VNN2: variants seen among roughly 807,000 people sequenced by gnomAD.
The protein encoded by VNN2 is pantetheine hydrolase VNN2.
In VNN2, 43 loss-of-function variants were observed where a neutral mutation model predicts 43.0. The ratio of observed to expected loss-of-function variants is 1.00; its 90% CI spans 0.78 to 1.29. The LOEUF (loss-of-function observed/expected upper bound fraction) is 1.29, where lower values mean the gene tolerates loss of function less well. VNN2 is among the 50% of genes most tolerant of loss of function. The pLI is 0.00. For missense variants in VNN2, 652 were observed against 619.7 expected, an observed-to-expected ratio of 1.05 and a Z score of -0.55; for synonymous variants, 230 against 224.3, an observed-to-expected ratio of 1.03 and a Z score of -0.23.
chr6:132,755,908 A>G lies in VNN2; in HGVS notation c.472T>C (p.Tyr158His). Residue 158 changes from tyrosine to histidine, a missense_variant, in exon 3 of 7, where the codon TAC becomes CAC. Physicochemically the swap from Tyr to His is moderately conservative, Grantham distance 83. Coordinates refer to ENST00000326499, the MANE Select transcript of VNN2 (RefSeq NM_004665.6). ...ACCACATTGGTATTGTATTGAAAGT[A>G]GCCATTAGGAGGACATGTGGAGTCA... ...SRDSTCPPNG[Y>H]FQYNTNVVYN... The G allele has an allele frequency of 6.2e-7, 1 of 1,614,220 alleles. No individual in the cohort carries two copies. The highest frequency in any genetic ancestry group is 8.5e-7 in the Non-Finnish European group (1 of 1,180,034).
chr6:132,758,039 C>CTTCTTCTT (rs1488070973), upstream of VNN2: 10 of 165,020 alleles, frequency 6.1e-5, no homozygotes, highest in South Asian at 2.8e-4. Flanking sequence ...TCTTCTTCTT[C>CTTCTTCTT]TTTTTTTTTT....
At position 132,752,550 on chromosome 6, in the gene VNN2, G is replaced by A; in HGVS notation, c.737C>T (p.Thr246Ile). 1 of 1,614,154 alleles carries A rather than the reference G, an allele frequency of 6.2e-7. No homozygotes were observed. Among genetic ancestry groups the A allele is most frequent in the East Asian group, 2.2e-5 (1 of 44,876 alleles). Residue 246 changes from threonine to isoleucine, a missense_variant, in exon 4 of 7, where the codon ACA (threonine) becomes ATA (isoleucine). Coordinates refer to ENST00000326499, the MANE Select transcript of VNN2 (RefSeq NM_004665.6). ...CCAAGCTGAATGGAATTCAATAGCTGTCAAAAGGGGCAAAACGTTCATCCA... is the reference window on the plus strand; with the variant it reads ...CCAAGCTGAATGGAATTCAATAGCTATCAAAAGGGGCAAAACGTTCATCCA... ...TAWMNVLPLL[T>I]AIEFHSAWAM... is the part of the protein sequence containing the mutation.
At chr6:132,744,882 A>G (rs1382033165) in intron 6 of VNN2, among the ~76,000 whole-genome samples, 1 of 152,198 alleles carries the variant, frequency 6.6e-6, no homozygotes, top group Non-Finnish European at 1.5e-5. Flanking sequence ...TTATCAGTGT[A>G]TCAGAGAAGA....
intron 6 of VNN2, among the ~76,000 whole-genome samples, chr6:132,745,989 C>G (rs1251118121): frequency 1.3e-5 from 2 of 152,128 alleles, no homozygotes; most frequent in Non-Finnish European, 2.9e-5. Context: ...GACTAAATAT[C>G]CTAGAAGATA....
At chr6:132,749,642 CT>C in intron 6 of VNN2, 52 bp downstream of exon 6, 1 of 1,516,092 alleles carries the variant, frequency 6.6e-7, no homozygotes, top group African/African-American at 1.4e-5. Context: ...GCTTGTTTTA[CT>C]TGACTTCAGA....
At chr6:132,746,685 T>A (rs1779737929) in intron 6 of VNN2, among the ~76,000 whole-genome samples, 1 of 152,190 alleles carries the variant, frequency 6.6e-6, no homozygotes, top group Non-Finnish European at 1.5e-5. Context: ...CCAACTCCTT[T>A]TGTTTTAATT....
chr6:132,759,261 A>AC (rs568107311), upstream of VNN2, among the ~76,000 whole-genome samples: 219 of 151,642 alleles, frequency 1.4e-3, no homozygotes, highest in African/African-American at 3.9e-3. Context: ...ACATAGTGGA[A>AC]CCCCCCATCT....
At chr6:132,745,743 C>T (rs181598012) in intron 6 of VNN2, among the ~76,000 whole-genome samples, 158 of 152,188 alleles carry the variant, frequency 1.0e-3, no homozygotes, top group Middle Eastern at 6.8e-3. Context: ...CTAGATCTAG[C>T]CTGAAGCCAC....
rs1411563561 is a variant in VNN2 at position 132,751,475 on chromosome 6, AT to A, written c.869del (p.Tyr290LeufsTer3). 6.2e-7 allele frequency: 1 copy of A among 1,614,072 alleles called. No individual in the cohort carries two copies. The highest frequency in any genetic ancestry group is 1.7e-5 in the Admixed American group (1 of 60,004). On this transcript the variant is annotated frameshift_variant, in exon 5 of 7. Transcript: ENST00000326499. LOFTEE classifies it high-confidence loss of function. ...YAPNGPKVYH[Y>X]DMKTELGKLL... The stretch of plus-strand genomic sequence containing the variant: ...GTTTTCCCAACTCTGTCTTCATGTC[AT>A]AATGATACACTTTGGGACCATTTGG...
intron 6 of VNN2, among the ~76,000 whole-genome samples, chr6:132,747,396 C>A (rs1280491122): frequency 1.3e-5 from 2 of 152,086 alleles, no homozygotes; most frequent in African/African-American, 4.8e-5. Context: ...GGTGGCAGAT[C>A]ACTAGATGTT....
intron 4 of VNN2, 74 bp downstream of exon 4, chr6:132,752,387 A>G (rs556057461): frequency 7.1e-5 from 106 of 1,487,480 alleles, no homozygotes; most frequent in South Asian, 1.7e-4. Context: ...AAAAATTAAT[A>G]CAAGTCATAA....
At chr6:132,751,066 G>A (rs1780048044) in intron 5 of VNN2, 79 bp downstream of exon 5, 3 of 1,512,422 alleles carry the variant, frequency 2.0e-6, no homozygotes, top group African/African-American at 1.4e-5. Flanking sequence ...AAAAGCACCT[G>A]GTTTTCTGGA....
At chr6:132,750,995 CGTGTGTGTGTGTGTGTTGT>C in intron 5 of VNN2, 131 bp downstream of exon 5, 1 of 852,780 alleles carries the variant, frequency 1.2e-6, no homozygotes, top group Non-Finnish European at 1.8e-6. Context: ...CATAAATGCA[CGTGTGTGTGTGTGTGTTGT>C]GTGTGTGTGT....
intron 5 of VNN2, 149 bp from the exon 6 acceptor site, chr6:132,750,014 T>C (rs1779964356): frequency 2.8e-6 from 2 of 716,736 alleles, no homozygotes; most frequent in East Asian, 6.2e-5. Flanking sequence ...TTAACTGCTT[T>C]ATTAAAAATG....
chr6:132,759,989 A>C (rs533156479), upstream of VNN2, among the ~76,000 whole-genome samples: 1 of 152,256 alleles, frequency 6.6e-6, no homozygotes, highest in Non-Finnish European at 1.5e-5. Flanking sequence ...ATGTAACCCA[A>C]ATGCCCACTT....
Position 132,744,121 on chromosome 6 carries a change from A to T in VNN2, c.*179T>A, listed in dbSNP as rs1779577584. 9.7e-6 allele frequency: 5 copies of T among 515,686 alleles called. No individual in the cohort carries two copies. The highest frequency in any genetic ancestry group is 1.6e-5 in the Non-Finnish European group (5 of 317,054). The allele number at this position is 515,686 out of a possible 1,614,324, so 31.9% of individuals were successfully genotyped here. A position where few individuals can be genotyped will look rare whatever the true frequency, so the allele number is the denominator to read the frequency against. ...CACACTGCAACATTTCAGAGTAGCCAAAAAAATGGACAACATTATCATAAT... is the reference window on the plus strand; with the variant it reads ...CACACTGCAACATTTCAGAGTAGCCTAAAAAATGGACAACATTATCATAAT... On this transcript the variant is annotated 3_prime_UTR_variant, in exon 7 of 7. Transcript: ENST00000326499.
At chr6:132,746,852 T>A (rs1779747112) in intron 6 of VNN2, among the ~76,000 whole-genome samples, 1 of 152,132 alleles carries the variant, frequency 6.6e-6, no homozygotes, top group Non-Finnish European at 1.5e-5. Flanking sequence ...GCAAATTTGA[T>A]TAGTATCTGT....
At chr6:132,757,367 G>C in intron 2 of VNN2, 49 bp downstream of exon 2, 1 of 1,539,880 alleles carries the variant, frequency 6.5e-7, no homozygotes, top group Non-Finnish European at 8.7e-7. Context: ...GTGAACGTGC[G>C]CATTTTAGAG....
Position 132,751,183 on chromosome 6 carries a change from T to G in VNN2, c.1162A>C (p.Thr388Pro), listed in dbSNP as rs1472274516. ...ENEVYVLGAFTGLHGRRRREY... is the reference protein window; with the variant it reads ...ENEVYVLGAFPGLHGRRRREY... ...CTTCTCCTTCGGCCATGTAATCCTG[T>G]AAAAGCTCCTAGAACGTATACTTCA... The change falls in exon 5 of 7, where the codon ACA (threonine) becomes CCA (proline). Residue 388 changes from threonine (T) to proline (P), a missense_variant. By Grantham distance (38) the Thr-to-Pro change is conservative (BLOSUM62 -1). Transcript: ENST00000326499. The G allele has an allele frequency of 6.2e-7, 1 of 1,612,050 alleles. No individual in the cohort carries two copies. The highest frequency in any genetic ancestry group is 8.5e-7 in the Non-Finnish European group (1 of 1,179,334).
Sources: allele counts gnomAD v4.1 joint callset (sites outside exome capture counted in the v4.1 genomes callset), GRCh38; gene constraint gnomAD v4.1.1; transcripts MANE v1.5; gene names NCBI Gene and HGNC (gene_info 2026-07-23, HGNC 2026-07-21).